The following NXPH1 variants were observed in gnomAD, a reference collection of about 807,000 sequenced individuals.
NXPH1 encodes neurexophilin 1.
Under a neutral mutation model 23.7 loss-of-function variants are expected in NXPH1, and 5 were observed. The ratio of observed to expected loss-of-function variants is 0.21; its 90% CI spans 0.11 to 0.44. The LOEUF (loss-of-function observed/expected upper bound fraction) is 0.44, where lower values mean the gene tolerates loss of function less well. Among genes scored for constraint, NXPH1 ranks in the 20% least tolerant of loss-of-function variants. The pLI, the probability that NXPH1 is intolerant of heterozygous loss-of-function variation, is 0.99. For synonymous variants in NXPH1, 144 were observed against 122.2 expected (o/e 1.18, Z -1.18); for missense variants, 324 against 321.6 (o/e 1.01, Z -0.06).
Position 8,435,828 on chromosome 7 carries a change from G to T in NXPH1, c.54+61G>T. The T allele has an allele frequency of 6.8e-7, 1 of 1,474,374 alleles. No individual in the cohort carries two copies. 91.3% of individuals were successfully genotyped at this position (1,474,374 alleles called of 1,614,324 possible). ...ACCCCGGCCGGGAGGCAAGGAAACT[G>T]GGGACACGCGGGAGAAGGGTTACGC... On this transcript the variant is annotated intron_variant, in intron 2 of 2. Transcript: ENST00000405863. The surrounding 1 kb of genome is among the most constrained non-coding windows in gnomAD (Gnocchi z 5.9).
chr7:8,728,262 T>A (rs1780090143), intron 2 of NXPH1, among the ~76,000 whole-genome samples: 1 of 152,236 alleles, frequency 6.6e-6, no homozygotes, highest in African/African-American at 2.4e-5. Context: ...GTTTCCTAGA[T>A]CTACAGTCAT....
At chr7:8,565,964 G>A (rs946265194) in intron 2 of NXPH1, among the ~76,000 whole-genome samples, 2 of 151,812 alleles carry the variant, frequency 1.3e-5, no homozygotes, top group Non-Finnish European at 2.9e-5. Flanking sequence ...TCCTTTGTGT[G>A]TCTTAAAGTG....
At chr7:8,470,288 G>C (rs1816851858) in intron 2 of NXPH1, among the ~76,000 whole-genome samples, 1 of 152,136 alleles carries the variant, frequency 6.6e-6, no homozygotes, top group African/African-American at 2.4e-5. Flanking sequence ...TCTATCATTT[G>C]ATGCACATAT....
intron 2 of NXPH1, among the ~76,000 whole-genome samples, chr7:8,460,414 AT>A (rs1361968086): frequency 2.0e-5 from 3 of 152,066 alleles, no homozygotes; most frequent in South Asian, 2.1e-4. Context: ...TTAAGAATTA[AT>A]TTTTTAAAAT....
At chr7:8,565,920 G>A (rs898236772) in intron 2 of NXPH1, among the ~76,000 whole-genome samples, 3 of 151,782 alleles carry the variant, frequency 2.0e-5, no homozygotes, top group Non-Finnish European at 4.4e-5. Context: ...CCTCACTGTA[G>A]CCTAACTCTC....
At chr7:8,725,918 C>G (rs939369066) in intron 2 of NXPH1, among the ~76,000 whole-genome samples, 1 of 152,140 alleles carries the variant, frequency 6.6e-6, no homozygotes, top group Non-Finnish European at 1.5e-5. Flanking sequence ...GTTTTTGAAT[C>G]AATCTAAGGT....
At chr7:8,562,750 T>TA (rs1418093547) in intron 2 of NXPH1, among the ~76,000 whole-genome samples, 5 of 151,680 alleles carry the variant, frequency 3.3e-5, no homozygotes, top group Non-Finnish European at 7.4e-5. Context: ...GCTCATGGTA[T>TA]AAAAAATATG....
chr7:8,617,028 G>A (rs1355953979), intron 2 of NXPH1, among the ~76,000 whole-genome samples: 1 of 152,076 alleles, frequency 6.6e-6, no homozygotes, highest in Non-Finnish European at 1.5e-5. Flanking sequence ...GAGAGCAGTG[G>A]TTCTCAACTG....
At chr7:8,716,463 T>C (rs1374471357) in intron 2 of NXPH1, among the ~76,000 whole-genome samples, 1 of 152,232 alleles carries the variant, frequency 6.6e-6, no homozygotes, top group African/African-American at 2.4e-5. Context: ...ATTTTTTGTT[T>C]AGAAAATTTA....
chr7:8,656,711 A>C, intron 2 of NXPH1, among the ~76,000 whole-genome samples: 2 of 147,526 alleles, frequency 1.4e-5, no homozygotes, highest in African/African-American at 2.5e-5. Flanking sequence ...ACCCCACAAC[A>C]GTCCCCAGAG....
intron 2 of NXPH1, among the ~76,000 whole-genome samples, chr7:8,707,690 G>T (rs913938597): frequency 6.6e-6 from 1 of 151,970 alleles, no homozygotes; most frequent in South Asian, 2.1e-4. Flanking sequence ...GATGAGCATT[G>T]GTCTAATATT....
chr7:8,458,151 C>A (rs539668614), intron 2 of NXPH1, among the ~76,000 whole-genome samples: 10 of 152,318 alleles, frequency 6.6e-5, no homozygotes, highest in African/African-American at 2.4e-4. Context: ...ACGCTTCTTC[C>A]TATGTAATCT....
chr7:8,584,965 T>A (rs1195034197), intron 2 of NXPH1, among the ~76,000 whole-genome samples: 3 of 152,212 alleles, frequency 2.0e-5, no homozygotes, highest in Non-Finnish European at 4.4e-5. Context: ...TCTTTCTGTG[T>A]TAAAAATTGA....
intron 2 of NXPH1, among the ~76,000 whole-genome samples, chr7:8,520,917 C>T (rs1817760477): frequency 6.6e-6 from 1 of 152,106 alleles, no homozygotes; most frequent in South Asian, 2.1e-4. Flanking sequence ...GTGGCATTCA[C>T]ATGCAGTTGA....
At chr7:8,716,536 A>T (rs1040969300) in intron 2 of NXPH1, among the ~76,000 whole-genome samples, 3 of 152,220 alleles carry the variant, frequency 2.0e-5, no homozygotes, top group African/African-American at 7.2e-5. Context: ...AATAATTCAA[A>T]AGAATTCCAC....
chr7:8,618,747 A>G (rs1819800065), intron 2 of NXPH1, among the ~76,000 whole-genome samples: 1 of 152,210 alleles, frequency 6.6e-6, no homozygotes. Context: ...ATTATACAAG[A>G]TATTTAATCC....
At chr7:8,632,709 C>A (rs1345200420) in intron 2 of NXPH1, among the ~76,000 whole-genome samples, 6 of 152,200 alleles carry the variant, frequency 3.9e-5, no homozygotes, top group Non-Finnish European at 8.8e-5. Context: ...CCTTAACTTA[C>A]TCTCAAATTT....
At chr7:8,630,273 T>C (rs1300676693) in intron 2 of NXPH1, among the ~76,000 whole-genome samples, 4 of 152,178 alleles carry the variant, frequency 2.6e-5, no homozygotes, top group Non-Finnish European at 1.5e-5. Flanking sequence ...TATTATTGAA[T>C]TTAATTCAAT....
chr7:8,592,969 C>T (rs1819132594), intron 2 of NXPH1, among the ~76,000 whole-genome samples: 1 of 151,840 alleles, frequency 6.6e-6, no homozygotes, highest in Non-Finnish European at 1.5e-5. Flanking sequence ...CTCATTGTCC[C>T]CGTTTTACCA....
Sources: gnomAD v4.1 joint callset for allele counts (sites outside exome capture counted in the v4.1 genomes callset) on GRCh38, gnomAD v4.1.1 for gene constraint, Gnocchi (gnomAD v3.1) non-coding constraint, MANE v1.5 for transcripts, NCBI Gene and HGNC (gene_info 2026-07-23, HGNC 2026-07-21) for gene names.